The following USP18 variants were observed in gnomAD, a reference collection of about 807,000 sequenced individuals.
USP18 encodes ubl carboxyl-terminal hydrolase 18.
USP18 carries 11 observed loss-of-function variants against 48.7 expected under a neutral mutation model. The observed-to-expected ratio is 0.23, with a 90% CI of 0.14 to 0.37. The LOEUF (loss-of-function observed/expected upper bound fraction) is 0.37. Among genes scored for constraint, USP18 ranks in the 10% least tolerant of loss-of-function variants. USP18 has a pLI of 1.00. For missense variants in USP18, 285 were observed against 436.4 expected, an observed-to-expected ratio of 0.65 and a Z score of 3.09; for synonymous variants, 114 against 163.2, an observed-to-expected ratio of 0.70 and a Z score of 2.30.
chr22:18,175,757 T>C (rs1929767730), intron 10 of USP18, among the ~76,000 whole-genome samples: 1 of 148,190 alleles, frequency 6.7e-6, no homozygotes, highest in Middle Eastern at 3.4e-3. Flanking sequence ...GGAGGATCAC[T>C]TCAAGCCAGG....
At chr22:18,171,973 TAAA>T (rs968782424) in intron 8 of USP18, among the ~76,000 whole-genome samples, 4 of 152,082 alleles carry the variant, frequency 2.6e-5, no homozygotes, top group African/African-American at 9.6e-5. Context: ...GTTTTTCACT[TAAA>T]AAAGACTTTT....
intron 1 of USP18, among the ~76,000 whole-genome samples, chr22:18,156,918 G>A (rs1382936932): frequency 1.3e-5 from 2 of 151,922 alleles, no homozygotes; most frequent in African/African-American, 2.4e-5. Context: ...CTTCCCCCAA[G>A]CAAACAGTGT....
At chr22:18,155,649 C>A (rs1306514392) in intron 1 of USP18, among the ~76,000 whole-genome samples, 1 of 152,202 alleles carries the variant, frequency 6.6e-6, no homozygotes, top group Non-Finnish European at 1.5e-5. Flanking sequence ...AAGCCCCAGG[C>A]AGTAAGGGGC....
At chr22:18,151,449 T>A in intron 1 of USP18, among the ~76,000 whole-genome samples, 1 of 152,190 alleles carries the variant, frequency 6.6e-6, no homozygotes, top group East Asian at 1.9e-4. Context: ...GAATGCAGGT[T>A]ACCGATGTGT....
rs1929203903 is a variant in USP18, at chr22:18,157,734, C to T, written c.71C>T (p.Ala24Val). ...SILAESSQSPADLEEKKEEDS... is the reference protein window; with the variant it reads ...SILAESSQSPVDLEEKKEEDS... ...CTGGCTGAGTCCTCGCAGTCCCCGGCAGATCTTGAAGAAAAGAAGGAAGAA... is the reference window on the plus strand; with the variant it reads ...CTGGCTGAGTCCTCGCAGTCCCCGGTAGATCTTGAAGAAAAGAAGGAAGAA... Residue 24 changes from alanine to valine, a missense_variant, in exon 2 of 11, where the codon GCA becomes GTA. Physicochemically the swap from Ala to Val is moderately conservative, Grantham distance 64. This residue lies in a region of USP18 where 199 missense variants were observed against 239.6 expected (regional missense o/e 0.83). Coordinates refer to ENST00000215794, the MANE Select transcript of USP18 (RefSeq NM_017414.4). 2.5e-6 allele frequency: 4 copies of T among 1,614,090 alleles called. No individual in the cohort carries two copies. The African/African-American group carries it at 5.3e-5, about 22-fold the overall frequency.
In USP18 at chr22:18,156,051, A is replaced by G. The variant is rs139687668; in HGVS notation, c.-106-1507A>G. Among the ~76,000 whole-genome samples the G allele has an allele frequency of 4.7e-3, 716 of 152,342 alleles. 5 individuals are homozygous for G. Among genetic ancestry groups the G allele is most frequent in the African/African-American group, 0.016 (664 of 41,578 alleles). ...TAGCTCAAGGTTTGTAAACACACCA[A>G]TCAGCACCCTGTGTCTAGCTCAGGG... On this transcript the variant is annotated intron_variant, in intron 1 of 10. Transcript: ENST00000215794.
chr22:18,163,457 C>G (rs1278767189), intron 4 of USP18, among the ~76,000 whole-genome samples: 2 of 151,952 alleles, frequency 1.3e-5, no homozygotes, highest in Non-Finnish European at 2.9e-5. Flanking sequence ...TCCTGGCTAA[C>G]ACGGTGAAAC....
At chr22:18,163,808 G>A (rs555820721) in intron 4 of USP18, among the ~76,000 whole-genome samples, 5 of 152,130 alleles carry the variant, frequency 3.3e-5, no homozygotes, top group South Asian at 2.1e-4. Context: ...TGTTGTTAGC[G>A]GCCCTCAGGA....
intron 1 of USP18, among the ~76,000 whole-genome samples, chr22:18,156,035 G>A (rs1037053669): frequency 6.6e-6 from 1 of 152,238 alleles, no homozygotes; most frequent in Non-Finnish European, 1.5e-5. Context: ...CTAGCTCAAG[G>A]TTTGTAAACA....
chr22:18,161,704 T>C, intron 3 of USP18, 86 bp from the exon 4 acceptor site: 1 of 1,321,624 alleles, frequency 7.6e-7, no homozygotes, highest in Non-Finnish European at 9.9e-7. Flanking sequence ...GATATGAAGA[T>C]TTAAAATTTC....
Position 18,150,181 on chromosome 22 carries a change from G to A in USP18, c.-148G>A, listed in dbSNP as rs1275003921. The stretch of plus-strand genomic sequence containing the variant: ...TCGGTCCCCGGCTCAGTCCCGACGT[G>A]GAACTCAGCAGCGGAGGCTGGACGC... On this transcript the variant is annotated 5_prime_UTR_variant, in exon 1 of 11. Transcript: ENST00000215794. 1 of 152,232 alleles carries A rather than the reference G, an allele frequency of 6.6e-6. No homozygotes were observed. The highest frequency in any genetic ancestry group is 1.9e-4 in the East Asian group (1 of 5,188). The allele number at this position is 152,232 out of a possible 1,614,324, so 9.4% of individuals were successfully genotyped here.
intron 1 of USP18, among the ~76,000 whole-genome samples, chr22:18,155,771 C>T (rs1290012865): frequency 1.3e-5 from 2 of 152,234 alleles, no homozygotes; most frequent in South Asian, 2.1e-4. Context: ...CTCCCCACCC[C>T]GCAGCCATGG....
intron 3 of USP18, among the ~76,000 whole-genome samples, chr22:18,160,752 A>G (rs368975602): frequency 1.6e-4 from 24 of 146,944 alleles, no homozygotes; most frequent in South Asian, 1.3e-3. Flanking sequence ...CTGGGGTGCG[A>G]CCCAAGTATT....
At chr22:18,173,470 G>T (rs1463263413) in intron 9 of USP18, among the ~76,000 whole-genome samples, 189 bp downstream of exon 9, 1 of 152,112 alleles carries the variant, frequency 6.6e-6, no homozygotes, top group East Asian at 1.9e-4. Context: ...CTCTGTAAGG[G>T]TTCAATTCAC....
intron 8 of USP18, among the ~76,000 whole-genome samples, chr22:18,172,466 C>T (rs1185424178): frequency 1.3e-5 from 2 of 152,102 alleles, no homozygotes; most frequent in Non-Finnish European, 2.9e-5. Flanking sequence ...CCAAACAACG[C>T]CTACACTTGC....
At chr22:18,160,856 G>A (rs546283223) in intron 3 of USP18, among the ~76,000 whole-genome samples, 4 of 141,776 alleles carry the variant, frequency 2.8e-5, no homozygotes, top group African/African-American at 8.0e-5. Context: ...TGGAACCTCC[G>A]CCTCCCGGGT....
At chr22:18,173,400 G>A in intron 9 of USP18, 119 bp downstream of exon 9, 2 of 1,438,462 alleles carry the variant, frequency 1.4e-6, no homozygotes, top group Non-Finnish European at 1.9e-6. Context: ...CTGTCTGGGT[G>A]TGGGGCCTTT....
At chr22:18,163,567 C>A (rs374256061) in intron 4 of USP18, among the ~76,000 whole-genome samples, 4 of 151,298 alleles carry the variant, frequency 2.6e-5, no homozygotes, top group Admixed American at 1.3e-4. Context: ...GGCGTGAACC[C>A]GGGAGGCGGA....
chr22:18,156,515 A>C (rs1929145569), intron 1 of USP18, among the ~76,000 whole-genome samples: 1 of 152,176 alleles, frequency 6.6e-6, no homozygotes, highest in Admixed American at 6.5e-5. Context: ...GCAAGACCAC[A>C]AACCAACCAG....
Sources: gnomAD v4.1 joint callset for allele counts (sites outside exome capture counted in the v4.1 genomes callset) on GRCh38, gnomAD v4.1.1 for gene constraint, gnomAD v4.1.1 regional missense constraint, MANE v1.5 for transcripts, NCBI Gene and HGNC (gene_info 2026-07-23, HGNC 2026-07-21) for gene names.